The following HEMK2 variants were observed in gnomAD, a reference collection of about 807,000 sequenced individuals.
The protein encoded by HEMK2 is methyltransferase HEMK2.
At chr21:28,666,734 C>A in the HEMK2 span, among the ~76,000 whole-genome samples, 2 of 152,078 alleles carry the variant, frequency 1.3e-5, no homozygotes, top group Non-Finnish European at 2.9e-5. Flanking sequence ...AATTAGATAT[C>A]TCTTGATATA....
chr21:28,616,548 C>A, the HEMK2 span, among the ~76,000 whole-genome samples: 1 of 152,174 alleles, frequency 6.6e-6, no homozygotes, highest in African/African-American at 2.4e-5. Context: ...CTGCAAAATT[C>A]TCTCTAAAAC....
the HEMK2 span, among the ~76,000 whole-genome samples, chr21:28,834,708 GC>G: frequency 1.3e-5 from 2 of 152,198 alleles, no homozygotes; most frequent in Non-Finnish European, 2.9e-5. Flanking sequence ...GAAGACCCAA[GC>G]CCCTTTCTTT....
the HEMK2 span, among the ~76,000 whole-genome samples, chr21:28,614,915 C>T: frequency 3.9e-5 from 6 of 152,126 alleles, no homozygotes; most frequent in Non-Finnish European, 8.8e-5. Context: ...ATTGCTTTTT[C>T]AGTGAGGCCT....
At chr21:28,588,631 C>T in the HEMK2 span, among the ~76,000 whole-genome samples, 2 of 152,098 alleles carry the variant, frequency 1.3e-5, no homozygotes, top group African/African-American at 4.8e-5. Flanking sequence ...GAAAGAGCAA[C>T]ATAGATGTAA....
chr21:28,672,306 T>C, the HEMK2 span, among the ~76,000 whole-genome samples: 1 of 152,164 alleles, frequency 6.6e-6, no homozygotes, highest in South Asian at 2.1e-4. Flanking sequence ...TAAGGGATAC[T>C]GCCTATCACT....
the HEMK2 span, among the ~76,000 whole-genome samples, chr21:28,794,439 G>T: frequency 6.6e-6 from 1 of 152,170 alleles, no homozygotes; most frequent in African/African-American, 2.4e-5. Context: ...AATTCAACAG[G>T]AATGTTTATG....
the HEMK2 span, among the ~76,000 whole-genome samples, chr21:28,589,559 C>T: frequency 6.6e-6 from 1 of 151,956 alleles, no homozygotes; most frequent in Admixed American, 6.6e-5. Context: ...TGCATGTAGG[C>T]TGAAATTAAA....
the HEMK2 span, among the ~76,000 whole-genome samples, chr21:28,590,115 C>T: frequency 2.0e-5 from 3 of 152,148 alleles, no homozygotes; most frequent in African/African-American, 7.2e-5. Context: ...CTGTGTTACT[C>T]TCTGTTTTTG....
the HEMK2 span, among the ~76,000 whole-genome samples, chr21:28,720,324 G>A: frequency 6.6e-6 from 1 of 152,216 alleles, no homozygotes; most frequent in Non-Finnish European, 1.5e-5. Flanking sequence ...CTAATTCAGT[G>A]TTTACAGTGA....
the HEMK2 span, among the ~76,000 whole-genome samples, chr21:28,583,724 A>G: frequency 1.3e-5 from 2 of 152,142 alleles, no homozygotes; most frequent in African/African-American, 4.8e-5. Flanking sequence ...ATTTTGCCCA[A>G]ATTGTGCAGC....
the HEMK2 span, among the ~76,000 whole-genome samples, chr21:28,811,004 CATGAAAAGGCTA>C: frequency 3.3e-5 from 5 of 152,172 alleles, no homozygotes; most frequent in Non-Finnish European, 5.9e-5. Context: ...AAGTCCCTAA[CATGAAAAGGCTA>C]AGTTGTGCAA....
At chr21:28,771,518 A>ACCCCCCCCCCCCC in the HEMK2 span, among the ~76,000 whole-genome samples, 32 of 105,598 alleles carry the variant, frequency 3.0e-4, no homozygotes, top group East Asian at 4.0e-4. Flanking sequence ...AAGATGCACC[A>ACCCCCCCCCCCCC]CCCCCCCCCG....
the HEMK2 span, among the ~76,000 whole-genome samples, chr21:28,710,540 A>G: frequency 6.6e-6 from 1 of 152,232 alleles, no homozygotes; most frequent in Non-Finnish European, 1.5e-5. Context: ...TAAATACTTT[A>G]TAACTCAGGC....
At chr21:28,818,275 G>A in the HEMK2 span, among the ~76,000 whole-genome samples, 64 of 152,196 alleles carry the variant, frequency 4.2e-4, no homozygotes, top group African/African-American at 1.3e-3. Flanking sequence ...AAGTTTTTCC[G>A]CTTTGGGACT....
the HEMK2 span, among the ~76,000 whole-genome samples, chr21:28,693,289 A>G: frequency 1.3e-5 from 2 of 152,208 alleles, no homozygotes; most frequent in African/African-American, 4.8e-5. Flanking sequence ...TTTACAAAGA[A>G]GGTGGCATTT....
At chr21:28,587,043 A>C in the HEMK2 span, among the ~76,000 whole-genome samples, 166 of 152,372 alleles carry the variant, frequency 1.1e-3, no homozygotes, top group Admixed American at 2.0e-3. Flanking sequence ...ATTACAAAAA[A>C]CTAAATTCAA....
the HEMK2 span, among the ~76,000 whole-genome samples, chr21:28,630,151 G>A: frequency 8.6e-5 from 13 of 151,770 alleles, no homozygotes; most frequent in Non-Finnish European, 1.8e-4. Context: ...TTGCTGTAAA[G>A]TTATAAAGCT....
At chr21:28,849,213 T>C in the HEMK2 span, among the ~76,000 whole-genome samples, 9 of 152,124 alleles carry the variant, frequency 5.9e-5, no homozygotes, top group East Asian at 3.9e-4. Context: ...CCCAGAGTTA[T>C]AGTATGCAGA....
chr21:28,784,890 A>G, the HEMK2 span, among the ~76,000 whole-genome samples: 1 of 152,196 alleles, frequency 6.6e-6, no homozygotes, highest in Non-Finnish European at 1.5e-5. Context: ...CACTCTTTGC[A>G]ATAAATCTTG....
Sources: allele counts gnomAD v4.1 joint callset (sites outside exome capture counted in the v4.1 genomes callset), GRCh38; gene constraint gnomAD v4.1.1; transcripts MANE v1.5; gene names NCBI Gene and HGNC (gene_info 2026-07-23, HGNC 2026-07-21).